The following SHKBP1 variants were observed in gnomAD, a reference collection of about 807,000 sequenced individuals.
SHKBP1 encodes SH3KBP1-binding protein 1.
SHKBP1 carries 71 observed loss-of-function variants against 83.9 expected under a neutral mutation model. The observed-to-expected ratio is 0.85, with a 90% CI of 0.70 to 1.03. SHKBP1 has a LOEUF of 1.03. Among genes scored for constraint, SHKBP1 ranks in the 50% least tolerant of loss-of-function variants. The pLI is 0.00. For synonymous variants in SHKBP1, 371 were observed against 398.0 expected, an observed-to-expected ratio of 0.93 and a Z score of 0.81; for missense variants, 824 against 982.4, an observed-to-expected ratio of 0.84 and a Z score of 2.16.
Position 40,589,147 on chromosome 19 carries a change from C to G in SHKBP1, c.1558C>G (p.Leu520Val). The G allele has an allele frequency of 1.2e-6, 2 of 1,613,234 alleles. No homozygotes were observed. Among genetic ancestry groups the G allele is most frequent in the East Asian group, 2.2e-5 (1 of 44,804 alleles). Residue 520 changes from leucine to valine, a missense_variant, in exon 15 of 18, where the codon CTC (leucine) becomes GTC (valine). By Grantham distance (32) the Leu-to-Val change is conservative. Coordinates refer to ENST00000291842, the MANE Select transcript of SHKBP1 (RefSeq NM_138392.4). ...GAAGGTGGTGCCCAGTGCCAGCCAG[C>G]TCTTCGTGCGTCTCTCATCTACTGG... is the stretch of plus-strand genomic sequence containing the variant. ...IQKVVPSASQLFVRLSSTGQR... is the reference protein window; with the variant it reads ...IQKVVPSASQVFVRLSSTGQR...
chr19:40,577,406 G>C lies in SHKBP1; in HGVS notation c.151G>C (p.Gly51Arg), dbSNP rs150564286. The C allele has an allele frequency of 6.2e-7, 1 of 1,614,000 alleles. No homozygotes were observed. The highest frequency in any genetic ancestry group is 2.2e-5 in the East Asian group (1 of 44,858). Residue 51 changes from glycine to arginine, a missense_variant, in exon 3 of 18, where the codon GGA (glycine) becomes CGA (arginine). This residue lies in a region of SHKBP1 where 355 missense variants were observed against 386.4 expected (regional missense o/e 0.92). Coordinates refer to ENST00000291842, the MANE Select transcript of SHKBP1 (RefSeq NM_138392.4). ...GTCCCTTCCCTGCAGTCTTCTGAGC[G>C]GACGCATCTCGACGCTGAAAGATGA... ...PDSFFSSLLSGRISTLKDETG... is the reference protein window; with the variant it reads ...PDSFFSSLLSRRISTLKDETG...
At chr19:40,577,955 AC>A (rs2081233537) in intron 4 of SHKBP1, 198 bp from the exon 5 acceptor site, 1 of 461,316 alleles carries the variant, frequency 2.2e-6, no homozygotes, top group African/African-American at 2.7e-5. Flanking sequence ...CCCTACACAC[AC>A]ACACACACAC....
In SHKBP1 at chr19:40,580,628, G is replaced by C. The variant is rs1406870413; in HGVS notation, c.625G>C (p.Ala209Pro). 7 of 1,614,176 alleles carry C rather than the reference G, an allele frequency of 4.3e-6. No individual in the cohort carries two copies. The highest frequency in any genetic ancestry group is 5.9e-6 in the Non-Finnish European group (7 of 1,180,030). ...VCGHHNWIAV[A>P]YTQFLVCYRL... ...TGGACACCATAATTGGATCGCTGTG[G>C]CCTATACCCAGTTTCTAGTCTGCTA... Residue 209 changes from alanine (A) to proline (P), a missense_variant, in exon 8 of 18, where the codon GCC becomes CCC. Around this residue, in one of 3 missense-constraint regions of SHKBP1, gnomAD observed 355 missense variants for 386.4 expected, o/e 0.92. Transcript: ENST00000291842.
Position 40,580,746 on chromosome 19 carries a change from G to A in SHKBP1, c.654G>A (p.Arg218=), listed in dbSNP as rs557306146. ...TGGTGATGTCCCCTCGATCCTACAG[G>A]TTGAAGGAAGCCTCTGGCTGGCAGC... The part of the protein sequence containing the change: ...VAYTQFLVCY[R]LKEASGWQLV... Residue 218 remains arginine, a splice_region_variant and synonymous_variant, in exon 9 of 18, where the codon AGG becomes AGA. Transcript: ENST00000291842. 1.2e-6 allele frequency: 2 copies of A among 1,611,642 alleles called. No individual in the cohort carries two copies. The highest frequency in any genetic ancestry group is 1.3e-5 in the African/African-American group (1 of 74,992).
chr19:40,580,951 C>T lies in SHKBP1; in HGVS notation c.844+15C>T, dbSNP rs754013666. The T allele has an allele frequency of 6.6e-7, 1 of 1,521,818 alleles. No homozygotes were observed. Among genetic ancestry groups the T allele is most frequent in the East Asian group, 2.3e-5 (1 of 43,856 alleles). 94.3% of individuals were successfully genotyped at this position (1,521,818 alleles called of 1,614,324 possible). ...CTCCGAGATAGGTATGACCCCAAGCCTTTTCCAGAACCCTCTGTCCTTTAA... is the reference window on the plus strand; with the variant it reads ...CTCCGAGATAGGTATGACCCCAAGCTTTTTCCAGAACCCTCTGTCCTTTAA... On this transcript the variant is annotated intron_variant, in intron 9 of 17. Transcript: ENST00000291842.
rs1469034796 is a variant in SHKBP1 at position 40,577,970 on chromosome 19, CACACACACACACACACACA to C, written c.261-183_261-165del. 118 of 676,450 alleles carry C rather than the reference CACACACACACACACACACA, an allele frequency of 1.7e-4. No homozygotes were observed. The African/African-American group carries it at 1.8e-3, about 10-fold the overall frequency. 41.9% of individuals were successfully genotyped at this position (676,450 alleles called of 1,614,324 possible). On this transcript the variant is annotated intron_variant, in intron 4 of 17. Coordinates refer to ENST00000291842, the MANE Select transcript of SHKBP1 (RefSeq NM_138392.4). ...CCCTACACACACACACACACACACACACACACACACACACACACACACTCAACATTTCCTCCACCCATAT... is the reference window on the plus strand; with the variant it reads ...CCCTACACACACACACACACACACACCACTCAACATTTCCTCCACCCATAT...
intron 6 of SHKBP1, among the ~76,000 whole-genome samples, chr19:40,578,872 A>T (rs1170010767): frequency 6.6e-6 from 1 of 152,144 alleles, no homozygotes; most frequent in Non-Finnish European, 1.5e-5. Context: ...AGTTATTGAC[A>T]GTAATGCCCA....
chr19:40,581,543 A>C (rs986485821), intron 9 of SHKBP1, among the ~76,000 whole-genome samples: 4 of 151,600 alleles, frequency 2.6e-5, no homozygotes, highest in African/African-American at 9.7e-5. Context: ...AAAAAAACAA[A>C]AAAAGAAATC....
Position 40,590,399 on chromosome 19 carries a change from T to C in SHKBP1, c.1745T>C (p.Met582Thr). Residue 582 changes from methionine to threonine, a missense_variant, in exon 16 of 18, where the codon ATG (methionine) becomes ACG (threonine). By Grantham distance (81) the Met-to-Thr change is moderately conservative (BLOSUM62 -1). Coordinates refer to ENST00000291842, the MANE Select transcript of SHKBP1 (RefSeq NM_138392.4). The surrounding 1 kb of genome is among the most constrained non-coding windows in gnomAD (Gnocchi z 4.6). ...SLAMWDLTTA[M>T]DGLGQAPAGG... is the part of the protein sequence containing the mutation. ...GCCATGTGGGACCTAACCACCGCCATGGACGGCCTCGGCCAGGCCCCTGGT... is the reference window on the plus strand; with the variant it reads ...GCCATGTGGGACCTAACCACCGCCACGGACGGCCTCGGCCAGGCCCCTGGT... The C allele has an allele frequency of 6.2e-7, 1 of 1,610,530 alleles. No individual in the cohort carries two copies. The highest frequency in any genetic ancestry group is 2.2e-5 in the East Asian group (1 of 44,770).
chr19:40,583,669 G>A lies in SHKBP1; in HGVS notation c.1117G>A (p.Ala373Thr), dbSNP rs1183285078. ...TGTCAGCGAGCTCTATCGGGACCCA[G>A]CGGAGGATGGGGTCACCGCCCTCAG... ...LLVSELYRDP[A>T]EDGVTALSVY... The change falls in exon 12 of 18, where the codon GCG becomes ACG. Residue 373 changes from alanine to threonine, a missense_variant. Coordinates refer to ENST00000291842, the MANE Select transcript of SHKBP1 (RefSeq NM_138392.4). 3.1e-6 allele frequency: 5 copies of A among 1,611,146 alleles called. No individual in the cohort carries two copies. The South Asian group carries it at 4.4e-5, about 14-fold the overall frequency.
chr19:40,589,900 G>C (rs982651808), intron 15 of SHKBP1, among the ~76,000 whole-genome samples: 2 of 151,970 alleles, frequency 1.3e-5, no homozygotes, highest in African/African-American at 4.8e-5. Context: ...GCGGGGAGCC[G>C]TGGCCACTGC....
intron 9 of SHKBP1, among the ~76,000 whole-genome samples, chr19:40,581,532 A>C (rs111501435): frequency 1.5e-4 from 22 of 146,790 alleles, no homozygotes; most frequent in Non-Finnish European, 2.3e-4. Flanking sequence ...TCAAAAAAAA[A>C]AAAAAAACAA....
At chr19:40,584,938 TA>T (rs903468551) in intron 12 of SHKBP1, among the ~76,000 whole-genome samples, 1 of 152,254 alleles carries the variant, frequency 6.6e-6, no homozygotes, top group African/African-American at 2.4e-5. Flanking sequence ...TCACTTAGCA[TA>T]TTTTTTTAAA....
Position 40,590,765 on chromosome 19 carries a change from C to CTGA in SHKBP1, c.1806_1807insATG (p.Leu602_Glu603insMet), listed in dbSNP as rs754610391. The CTGA allele has an allele frequency of 8.7e-6, 14 of 1,603,062 alleles. No individual in the cohort carries two copies. Among genetic ancestry groups the CTGA allele is most frequent in the Non-Finnish European group, 1.2e-5 (14 of 1,171,242 alleles). Reference sequence around the variant, plus strand: ...GACGGAGCAAGAGCTGATGGAACAGCTGGAACACTGTGAGCTGGCCCCGCC... The same window carrying CTGA: ...GACGGAGCAAGAGCTGATGGAACAGCTGATGGAACACTGTGAGCTGGCCCCGCC... On this transcript the variant is annotated inframe_insertion, in exon 17 of 18. Coordinates refer to ENST00000291842, the MANE Select transcript of SHKBP1 (RefSeq NM_138392.4). This position sits in a 1 kb window ranked among gnomAD's most constrained non-coding sequence, Gnocchi z 4.6.
chr19:40,590,672 C>T lies in SHKBP1; in HGVS notation c.1769-58C>T, dbSNP rs2145999851. 6.6e-7 allele frequency: 1 copy of T among 1,525,540 alleles called. No homozygotes were observed. Among genetic ancestry groups the T allele is most frequent in the Admixed American group, 2.0e-5 (1 of 51,086 alleles). The allele number at this position is 1,525,540 out of a possible 1,614,324, so 94.5% of individuals were successfully genotyped here. ...TCGGTGCTTGCACTGCAATGCAACC[C>T]AGGCCCTTGCCCTATGACCCCTGTC... On this transcript the variant is annotated intron_variant, in intron 16 of 17. Coordinates refer to ENST00000291842, the MANE Select transcript of SHKBP1 (RefSeq NM_138392.4). This position sits in a 1 kb window ranked among gnomAD's most constrained non-coding sequence, Gnocchi z 4.6.
Position 40,588,609 on chromosome 19 carries a change from C to G in SHKBP1, c.1337-15C>G. On this transcript the variant is annotated splice_polypyrimidine_tract_variant and intron_variant, in intron 13 of 17. Coordinates refer to ENST00000291842, the MANE Select transcript of SHKBP1 (RefSeq NM_138392.4). Reference sequence around the variant, plus strand: ...TGCACCAGGCCTGACTTCCTGCTCTCCTTGTGCCCCTCAGTCTGTGCCGAC... The same window carrying G: ...TGCACCAGGCCTGACTTCCTGCTCTGCTTGTGCCCCTCAGTCTGTGCCGAC... 6.2e-7 allele frequency: 1 copy of G among 1,614,126 alleles called. No homozygotes were observed. Among genetic ancestry groups the G allele is most frequent in the Non-Finnish European group, 8.5e-7 (1 of 1,179,984 alleles).
intron 14 of SHKBP1, 128 bp from the exon 15 acceptor site, chr19:40,588,954 C>A: frequency 7.9e-7 from 1 of 1,271,038 alleles, no homozygotes; most frequent in South Asian, 1.3e-5. Context: ...CCCTCTCTGG[C>A]CCTGCCCAAC....
chr19:40,578,272 C>T, intron 5 of SHKBP1, 60 bp downstream of exon 5: 3 of 1,549,842 alleles, frequency 1.9e-6, no homozygotes, highest in Non-Finnish European at 2.7e-6. Context: ...TGTGATGCTA[C>T]CTGCCCCTCT....
chr19:40,586,749 C>G, intron 12 of SHKBP1, 25 bp from the exon 13 acceptor site: 2 of 1,534,168 alleles, frequency 1.3e-6, no homozygotes, highest in African/African-American at 1.4e-5. Flanking sequence ...CCCAGGCCCT[C>G]TCCTCATCCT....
Sources: gnomAD v4.1 joint callset for allele counts (sites outside exome capture counted in the v4.1 genomes callset) on GRCh38, gnomAD v4.1.1 for gene constraint, gnomAD v4.1.1 regional missense constraint, Gnocchi (gnomAD v3.1) non-coding constraint, MANE v1.5 for transcripts, NCBI Gene and HGNC (gene_info 2026-07-23, HGNC 2026-07-21) for gene names.